RTN4IP1: variants seen among roughly 807,000 people sequenced by gnomAD.
RTN4IP1 encodes reticulon 4 interacting protein 1.
RTN4IP1 carries 32 observed loss-of-function variants against 46.6 expected under a neutral mutation model. That is an observed-to-expected ratio of 0.69 (90% confidence interval 0.52 to 0.92). The LOEUF (loss-of-function observed/expected upper bound fraction) is 0.92, where lower values mean the gene tolerates loss of function less well. RTN4IP1 is among the 40% of genes least tolerant of loss of function. The pLI is 0.00. For synonymous variants in RTN4IP1, 167 were observed against 161.8 expected (o/e 1.03, Z -0.24); for missense variants, 424 against 485.8 (o/e 0.87, Z 1.20).
At chr6:106,578,406 T>A (rs145254300) in intron 8 of RTN4IP1, among the ~76,000 whole-genome samples, 51 of 152,286 alleles carry the variant, frequency 3.3e-4, no homozygotes, top group African/African-American at 1.2e-3. Context: ...CTCTTTCCAG[T>A]CTGTGAGTAT....
chr6:106,594,985 A>G (rs940336594), intron 5 of RTN4IP1, among the ~76,000 whole-genome samples: 19 of 152,050 alleles, frequency 1.2e-4, no homozygotes, highest in Non-Finnish European at 2.5e-4. Flanking sequence ...TATTTTTAGT[A>G]GATATGGGAT....
At chr6:106,602,026 C>T (rs1775961232) in intron 5 of RTN4IP1, among the ~76,000 whole-genome samples, 1 of 152,136 alleles carries the variant, frequency 6.6e-6, no homozygotes, top group Non-Finnish European at 1.5e-5. Context: ...ATTATTTTCT[C>T]CATTTAATGG....
chr6:106,583,824 C>T (rs1023395285), intron 7 of RTN4IP1, among the ~76,000 whole-genome samples: 5 of 152,126 alleles, frequency 3.3e-5, no homozygotes, highest in African/African-American at 1.2e-4. Flanking sequence ...GAGGTTTTCA[C>T]CAAATTCAAA....
chr6:106,603,135 T>C (rs560119632), intron 4 of RTN4IP1, among the ~76,000 whole-genome samples: 27 of 152,378 alleles, frequency 1.8e-4, no homozygotes, highest in Admixed American at 1.8e-3. Context: ...CTATGAGCTC[T>C]GTACCAAGAA....
At chr6:106,617,600 A>C (rs1440758744) in intron 4 of RTN4IP1, among the ~76,000 whole-genome samples, 1 of 152,178 alleles carries the variant, frequency 6.6e-6, no homozygotes, top group Non-Finnish European at 1.5e-5. Context: ...TTGTTGCTTA[A>C]ACAGAAGATA....
At position 106,599,835 on chromosome 6, in the gene RTN4IP1, C is replaced by T. The variant is rs1219732800; in HGVS notation, c.669+3039G>A. Among the ~76,000 whole-genome samples, 438 of 148,250 alleles carry T rather than the reference C, an allele frequency of 3.0e-3. 5 individuals are homozygous for T. The highest frequency in any genetic ancestry group is 0.011 in the African/African-American group (426 of 40,046). ...CCTAAAATAGGAATTCTTGTGCTGTCCTTTTTTTTTTTTTTAGAAATTTTA... is the reference window on the plus strand; with the variant it reads ...CCTAAAATAGGAATTCTTGTGCTGTTCTTTTTTTTTTTTTTAGAAATTTTA... On this transcript the variant is annotated intron_variant, in intron 5 of 8. Transcript: ENST00000369063.
At chr6:106,583,518 A>C in intron 7 of RTN4IP1, 98 bp from the exon 8 acceptor site, 2 of 899,454 alleles carry the variant, frequency 2.2e-6, no homozygotes, top group Non-Finnish European at 3.5e-6. Context: ...ACTACAACAA[A>C]CTGATTTCTC....
chr6:106,601,838 C>T (rs769303349), intron 5 of RTN4IP1, among the ~76,000 whole-genome samples: 2 of 152,078 alleles, frequency 1.3e-5, no homozygotes, highest in Middle Eastern at 3.4e-3. Context: ...CTTGAACTCC[C>T]GACCTCAAGT....
At chr6:106,603,230 G>A (rs1321887802) in intron 4 of RTN4IP1, among the ~76,000 whole-genome samples, 2 of 152,090 alleles carry the variant, frequency 1.3e-5, no homozygotes, top group Middle Eastern at 3.2e-3. Flanking sequence ...AATTTTTCTA[G>A]GCTAAAATTG....
chr6:106,616,908 C>T (rs1373745203), intron 4 of RTN4IP1, among the ~76,000 whole-genome samples: 1 of 152,100 alleles, frequency 6.6e-6, no homozygotes, highest in East Asian at 1.9e-4. Context: ...TGTGTCCCAC[C>T]AAAATTCGTA....
chr6:106,572,201 A>C, intron 8 of RTN4IP1, 98 bp from the exon 9 acceptor site: 1 of 976,200 alleles, frequency 1.0e-6, no homozygotes, highest in Non-Finnish European at 1.6e-6. Context: ...CCCTCAAGCC[A>C]CAGTCTCTCT....
intron 5 of RTN4IP1, among the ~76,000 whole-genome samples, chr6:106,596,170 A>C (rs896106240): frequency 6.7e-6 from 1 of 149,446 alleles, no homozygotes; most frequent in African/African-American, 2.5e-5. Flanking sequence ...TTAATTCTTT[A>C]TATTTGTGCT....
intron 4 of RTN4IP1, among the ~76,000 whole-genome samples, chr6:106,612,655 T>TACCTACTCCATCCTAACTCATTCTCATC (rs57330586): frequency 1.3e-5 from 2 of 151,728 alleles, no homozygotes; most frequent in Admixed American, 1.3e-4. Flanking sequence ...CTTTTACAAT[T>TACCTACTCCATCCTAACTCATTCTCATC]ACCTGCTCCA....
Position 106,619,187 on chromosome 6 carries a change from G to T in RTN4IP1, c.620+15C>A. On this transcript the variant is annotated intron_variant, in intron 4 of 8. Coordinates refer to ENST00000369063, the MANE Select transcript of RTN4IP1 (RefSeq NM_032730.5). Reference sequence around the variant, plus strand: ...GAAAAGAGGTTTAGATGCTGCCACTGACTGATACACTTACCGTTTTCCTGT... The same window carrying T: ...GAAAAGAGGTTTAGATGCTGCCACTTACTGATACACTTACCGTTTTCCTGT... The T allele has an allele frequency of 1.2e-6, 2 of 1,613,726 alleles. No individual in the cohort carries two copies. Among genetic ancestry groups the T allele is most frequent in the South Asian group, 2.2e-5 (2 of 90,952 alleles).
At chr6:106,575,825 TG>T (rs776093680) in intron 8 of RTN4IP1, among the ~76,000 whole-genome samples, 7 of 152,246 alleles carry the variant, frequency 4.6e-5, no homozygotes, top group Non-Finnish European at 8.8e-5. Flanking sequence ...CATTACTGCA[TG>T]GAATGGATGT....
intron 8 of RTN4IP1, among the ~76,000 whole-genome samples, chr6:106,576,912 G>A (rs1775242956): frequency 6.6e-6 from 1 of 152,190 alleles, no homozygotes; most frequent in Admixed American, 6.5e-5. Context: ...ACTGGGTCAA[G>A]TAAGTGATAG....
At chr6:106,600,591 C>T (rs1775919625) in intron 5 of RTN4IP1, among the ~76,000 whole-genome samples, 1 of 151,948 alleles carries the variant, frequency 6.6e-6, no homozygotes, top group Admixed American at 6.6e-5. Context: ...CCATCTACCC[C>T]CAGCCCCTGA....
intron 1 of RTN4IP1, among the ~76,000 whole-genome samples, chr6:106,627,468 T>C (rs1776676412): frequency 1.3e-5 from 2 of 152,184 alleles, no homozygotes. Context: ...AGTGACTGAA[T>C]GACAACTGCG....
intron 6 of RTN4IP1, among the ~76,000 whole-genome samples, chr6:106,589,128 A>G (rs563294231): frequency 8.7e-6 from 1 of 114,620 alleles, no homozygotes; most frequent in East Asian, 2.4e-4. Context: ...GAAGAAGAGG[A>G]AGAAGAAGAA....
Sources: gnomAD v4.1 joint callset for allele counts (sites outside exome capture counted in the v4.1 genomes callset) on GRCh38, gnomAD v4.1.1 for gene constraint, MANE v1.5 for transcripts, NCBI Gene and HGNC (gene_info 2026-07-23, HGNC 2026-07-21) for gene names.